The following ARSG variants were observed in gnomAD, a reference collection of about 807,000 sequenced individuals.
The protein encoded by ARSG is ASG.
In ARSG, 37 loss-of-function variants were observed where a neutral mutation model predicts 50.5. That is an observed-to-expected ratio of 0.73 (90% confidence interval 0.56 to 0.96). The LOEUF (loss-of-function observed/expected upper bound fraction) is 0.96, where lower values mean the gene tolerates loss of function less well. Ranked by LOEUF, ARSG falls within the 50% of genes least tolerant of loss-of-function variation. The pLI, the probability that ARSG is intolerant of heterozygous loss-of-function variation, is 0.00. For missense variants in ARSG, 629 were observed against 675.3 expected (o/e 0.93, Z 0.76); for synonymous variants, 225 against 254.6 (o/e 0.88, Z 1.11).
intron 2 of ARSG, among the ~76,000 whole-genome samples, chr17:68,335,072 C>T (rs1396783336): frequency 6.6e-6 from 1 of 152,146 alleles, no homozygotes; most frequent in Non-Finnish European, 1.5e-5. Context: ...TCATGATTCA[C>T]TGCAGCCTCT....
At chr17:68,332,130 T>C (rs1022669372) in intron 2 of ARSG, among the ~76,000 whole-genome samples, 4 of 152,218 alleles carry the variant, frequency 2.6e-5, no homozygotes, top group Admixed American at 1.3e-4. Context: ...TTTCATCCTT[T>C]ATGTACAACC....
At chr17:68,352,260 T>C (rs532750969) in intron 5 of ARSG, among the ~76,000 whole-genome samples, 12 of 152,026 alleles carry the variant, frequency 7.9e-5, no homozygotes, top group African/African-American at 2.9e-4. Context: ...CATTCTGATG[T>C]TGGAATGCCA....
chr17:68,262,018 G>C lies in ARSG; in HGVS notation c.-552+2592G>C, dbSNP rs573593069. ...AATACAAAAAAAAAATGAGCTGGGT[G>C]TGGTGGCGGGTGCCTGTAATCTCAG... is the stretch of plus-strand genomic sequence containing the variant. On this transcript the variant is annotated intron_variant, in intron 1 of 11. Coordinates refer to the ARSG transcript ENST00000448504. Among the ~76,000 whole-genome samples, 10 of 152,136 alleles carry C rather than the reference G, an allele frequency of 6.6e-5. No individual in the cohort carries two copies. In the East Asian group the frequency reaches 1.7e-3, roughly 26 times the overall value.
chr17:68,446,336 A>G, the ARSG span, among the ~76,000 whole-genome samples: 1 of 151,938 alleles, frequency 6.6e-6, no homozygotes, highest in Non-Finnish European at 1.5e-5. Flanking sequence ...GTGCGCCACC[A>G]TGCCTGGCTA....
chr17:68,371,884 A>G (rs985238694), intron 8 of ARSG, among the ~76,000 whole-genome samples: 1 of 152,250 alleles, frequency 6.6e-6, no homozygotes, highest in Non-Finnish European at 1.5e-5. Flanking sequence ...TCCAGTATGG[A>G]ACAATATGTA....
At chr17:68,282,492 TA>T (rs61418415) in intron 1 of ARSG, among the ~76,000 whole-genome samples, 69,346 of 145,170 alleles carry the variant, frequency 0.48, 17,245 homozygotes, top group African/African-American at 0.66. Flanking sequence ...CCCTAGAACT[TA>T]AAAAAAAAAA....
intron 2 of ARSG, among the ~76,000 whole-genome samples, chr17:68,342,116 G>A (rs558414207): frequency 4.6e-5 from 7 of 152,010 alleles, no homozygotes; most frequent in African/African-American, 1.4e-4. Flanking sequence ...CACTACGCCC[G>A]ACCTCAGTCA....
intron 11 of ARSG, among the ~76,000 whole-genome samples, chr17:68,417,237 C>G (rs1190869557): frequency 6.6e-6 from 1 of 152,134 alleles, no homozygotes; most frequent in Non-Finnish European, 1.5e-5. Flanking sequence ...ATCCCCCTAC[C>G]CTTAGGTCAG....
downstream of ARSG, chr17:68,426,254 G>GGGGCCCCC: frequency 1.2e-6 from 1 of 816,920 alleles, no homozygotes; most frequent in Non-Finnish European, 1.9e-6. Flanking sequence ...GGGAGCGGGG[G>GGGGCCCCC]CTCAAATAAA....
chr17:68,412,131 A>G (rs1205291375), intron 11 of ARSG, among the ~76,000 whole-genome samples: 1 of 152,080 alleles, frequency 6.6e-6, no homozygotes, highest in African/African-American at 2.4e-5. Context: ...TTTAAAGTTA[A>G]TATTGTTACA....
rs2081442527 is a variant in ARSG, at chr17:68,400,888, G to A, written c.1213-472G>A. On this transcript the variant is annotated intron_variant, in intron 10 of 11. Transcript: ENST00000621439. ...AACCAGCAAAATAACAACTTCACAG[G>A]CTCCCTGGAGTTGACTGGTGTGGAC... Among the ~76,000 whole-genome samples, 3 of 152,098 alleles carry A rather than the reference G, an allele frequency of 2.0e-5. No homozygotes were observed. In the South Asian group the frequency reaches 6.2e-4, roughly 32 times the overall value.
Position 68,271,445 on chromosome 17 carries a change from C to T in ARSG, c.-552+12019C>T, listed in dbSNP as rs1555748679. ...GAGGTAGTTAGTTCTACTCCTGAGT[C>T]AATGGAGTCTATTGAGGTTCGTGTT... On this transcript the variant is annotated intron_variant, in intron 1 of 11. Coordinates refer to the ARSG transcript ENST00000448504. This position sits in a 1 kb window ranked among gnomAD's most constrained non-coding sequence, Gnocchi z 5.3. 1 of 1,614,120 alleles carries T rather than the reference C, an allele frequency of 6.2e-7. No individual in the cohort carries two copies. Among genetic ancestry groups the T allele is most frequent in the Non-Finnish European group, 8.5e-7 (1 of 1,180,034 alleles).
In ARSG at chr17:68,418,870, T is replaced by C. The variant is rs146857148; in HGVS notation, c.1304-1319T>C. Among the ~76,000 whole-genome samples, 33 of 152,340 alleles carry C rather than the reference T, an allele frequency of 2.2e-4. 1 individual carries two copies. The East Asian group carries it at 6.0e-3, about 28-fold the overall frequency. On this transcript the variant is annotated intron_variant, in intron 11 of 11. Transcript: ENST00000621439. Reference sequence around the variant, plus strand: ...TGATAAGTTTCTATCTCATTAATGTTTGGCTGCTGCTAAGCTCAGAAGCAA... The same window carrying C: ...TGATAAGTTTCTATCTCATTAATGTCTGGCTGCTGCTAAGCTCAGAAGCAA...
intron 6 of ARSG, among the ~76,000 whole-genome samples, chr17:68,361,413 C>T (rs2079278032): frequency 6.6e-6 from 1 of 152,090 alleles, no homozygotes; most frequent in African/African-American, 2.4e-5. Context: ...TTCCCAGCCT[C>T]TAGAACTGGG....
intron 11 of ARSG, among the ~76,000 whole-genome samples, chr17:68,410,432 T>C (rs2081948128): frequency 6.7e-6 from 1 of 149,532 alleles, no homozygotes; most frequent in Non-Finnish European, 1.5e-5. Flanking sequence ...CATTTATTGA[T>C]TTGCGTATAT....
intron 1 of ARSG, among the ~76,000 whole-genome samples, chr17:68,283,975 C>T (rs1409338168): frequency 6.6e-6 from 1 of 151,602 alleles, no homozygotes; most frequent in East Asian, 1.9e-4. Flanking sequence ...CCTGTTATCC[C>T]AGCTACCCAG....
At chr17:68,433,886 G>A in the ARSG span, among the ~76,000 whole-genome samples, 1 of 144,698 alleles carries the variant, frequency 6.9e-6, no homozygotes, top group Non-Finnish European at 1.5e-5. Context: ...GGGTTCAAGC[G>A]ATTCTCCTGC....
intron 1 of ARSG, among the ~76,000 whole-genome samples, chr17:68,270,322 A>G (rs1373745331): frequency 1.3e-5 from 2 of 152,046 alleles, no homozygotes; most frequent in Non-Finnish European, 2.9e-5. Flanking sequence ...TTGGGAGGCC[A>G]AGGCAGGCGG....
In ARSG at chr17:68,323,151, A is replaced by G. The variant is rs138623146; in HGVS notation, c.218+15440A>G. ...GTGAACAGATTTCGAATTAACATCT[A>G]GTTGGTGCCATATCCTATCAGTGTG... On this transcript the variant is annotated intron_variant, in intron 2 of 11. Coordinates refer to ENST00000621439, the MANE Select transcript of ARSG (RefSeq NM_001267727.2). Among the ~76,000 whole-genome samples the G allele has an allele frequency of 1.1e-4, 17 of 152,156 alleles. 1 individual carries two copies. The highest frequency in any genetic ancestry group is 3.9e-4 in the African/African-American group (16 of 41,506).
Sources: gnomAD v4.1 joint callset for allele counts (sites outside exome capture counted in the v4.1 genomes callset) on GRCh38, gnomAD v4.1.1 for gene constraint, Gnocchi (gnomAD v3.1) non-coding constraint, MANE v1.5 for transcripts, NCBI Gene and HGNC (gene_info 2026-07-23, HGNC 2026-07-21) for gene names.